PHF24: variants seen among roughly 807,000 people sequenced by gnomAD.
PHF24 encodes the protein PHD finger protein 24, also known as Galpha inhibitory interacting protein.
In PHF24, 25 loss-of-function variants were observed where a neutral mutation model predicts 42.6. The observed-to-expected ratio is 0.59, with a 90% CI of 0.43 to 0.82. The LOEUF (loss-of-function observed/expected upper bound fraction) is 0.82. PHF24 is among the 40% of genes least tolerant of loss of function. PHF24 has a pLI of 0.00. For missense variants in PHF24, 470 were observed against 538.1 expected (o/e 0.87, Z 1.25); for synonymous variants, 185 against 204.8 (o/e 0.90, Z 0.83).
chr9:34,966,457 C>A (rs1826771875), intron 1 of PHF24, among the ~76,000 whole-genome samples: 2 of 152,104 alleles, frequency 1.3e-5, no homozygotes, highest in South Asian at 4.2e-4. Flanking sequence ...ACCTGTAGCC[C>A]CAGCTATGTG....
At chr9:34,682,155 T>TTG in the PHF24 span, among the ~76,000 whole-genome samples, 1 of 146,280 alleles carries the variant, frequency 6.8e-6, no homozygotes, top group African/African-American at 2.5e-5. Context: ...TTTCTATTTT[T>TTG]TTTTTTTTTT....
At chr9:34,803,789 G>A in the PHF24 span, among the ~76,000 whole-genome samples, 3 of 152,118 alleles carry the variant, frequency 2.0e-5, no homozygotes, top group Non-Finnish European at 4.4e-5. Flanking sequence ...TTAAAACAAG[G>A]CATACATTTT....
chr9:34,834,702 G>T, the PHF24 span: 1 of 1,545,268 alleles, frequency 6.5e-7, no homozygotes, highest in African/African-American at 1.4e-5. Flanking sequence ...CAGCCCCACT[G>T]AAGCTGGAGT....
chr9:34,887,514 T>C, the PHF24 span, among the ~76,000 whole-genome samples: 2 of 152,190 alleles, frequency 1.3e-5, no homozygotes, highest in African/African-American at 2.4e-5. Flanking sequence ...CCTTGTTCCT[T>C]CTGACAGGCT....
chr9:34,735,281 G>A, the PHF24 span, among the ~76,000 whole-genome samples: 1,854 of 149,924 alleles, frequency 0.012, 29 homozygotes, highest in African/African-American at 0.042. Flanking sequence ...GATTACAGGC[G>A]CCCGCCACTA....
chr9:34,798,606 A>G, the PHF24 span, among the ~76,000 whole-genome samples: 1 of 151,890 alleles, frequency 6.6e-6, no homozygotes. Flanking sequence ...TTATTTATCC[A>G]CTCCACCAGT....
chr9:34,847,413 G>T, the PHF24 span, among the ~76,000 whole-genome samples: 1 of 152,100 alleles, frequency 6.6e-6, no homozygotes, highest in Non-Finnish European at 1.5e-5. Flanking sequence ...TCTGTTATTG[G>T]TGTATAAGAA....
chr9:34,862,770 A>C, the PHF24 span, among the ~76,000 whole-genome samples: 1 of 151,296 alleles, frequency 6.6e-6, no homozygotes, highest in African/African-American at 2.4e-5. Context: ...TAGAGGAAAA[A>C]GTAAAGGGGA....
chr9:34,966,985 T>G (rs1826796263), intron 1 of PHF24, among the ~76,000 whole-genome samples: 1 of 152,180 alleles, frequency 6.6e-6, no homozygotes, highest in Non-Finnish European at 1.5e-5. Flanking sequence ...CAAGCAGTTC[T>G]CCCACCTCAG....
chr9:34,728,231 G>T, the PHF24 span: 1 of 663,724 alleles, frequency 1.5e-6, no homozygotes. Context: ...GTACAGCATC[G>T]CTGTAACACA....
At chr9:34,905,146 A>G in the PHF24 span, among the ~76,000 whole-genome samples, 1 of 152,194 alleles carries the variant, frequency 6.6e-6, no homozygotes, top group Non-Finnish European at 1.5e-5. Flanking sequence ...GAGAACCTTG[A>G]CAAAATGGAG....
the PHF24 span, among the ~76,000 whole-genome samples, chr9:34,825,886 T>C: frequency 2.0e-5 from 3 of 152,126 alleles, no homozygotes; most frequent in African/African-American, 7.2e-5. Flanking sequence ...AGGGCTTCCC[T>C]TCCCACCGTC....
the PHF24 span, among the ~76,000 whole-genome samples, chr9:34,705,915 A>T: frequency 1.3e-5 from 2 of 152,220 alleles, no homozygotes; most frequent in Non-Finnish European, 2.9e-5. Flanking sequence ...TTTTAAAAAA[A>T]AGTTATTTTA....
At chr9:34,708,257 T>G in the PHF24 span, among the ~76,000 whole-genome samples, 1 of 152,090 alleles carries the variant, frequency 6.6e-6, no homozygotes. Flanking sequence ...CCCAGGAGAC[T>G]TATTCCTTGA....
At chr9:34,940,041 A>G in the PHF24 span, among the ~76,000 whole-genome samples, 1 of 152,206 alleles carries the variant, frequency 6.6e-6, no homozygotes. Flanking sequence ...GCAGCCAGAA[A>G]GAGCAGACAG....
the PHF24 span, among the ~76,000 whole-genome samples, chr9:34,937,454 G>C: frequency 6.6e-6 from 1 of 152,196 alleles, no homozygotes; most frequent in Middle Eastern, 3.4e-3. Flanking sequence ...AAGGCAGCAG[G>C]CTCGTTAAGA....
chr9:34,971,606 C>T (rs781633965), exon 2 of PHF24: 27 of 1,614,036 alleles, frequency 1.7e-5, no homozygotes, highest in East Asian at 2.2e-5. Context: ...ACACCCCCTG[C>T]GTTCATCCGC....
chr9:34,844,838 T>C, the PHF24 span, among the ~76,000 whole-genome samples: 1 of 152,210 alleles, frequency 6.6e-6, no homozygotes, highest in Non-Finnish European at 1.5e-5. Flanking sequence ...GTTAGGTCCA[T>C]TTGGTCCAAA....
the PHF24 span, chr9:34,724,899 G>A: frequency 6.5e-7 from 1 of 1,549,986 alleles, no homozygotes; most frequent in Non-Finnish European, 8.7e-7. Flanking sequence ...AAGGCCAGAT[G>A]CTTGTGCCGT....
Sources: allele counts gnomAD v4.1 joint callset (sites outside exome capture counted in the v4.1 genomes callset), GRCh38; gene constraint gnomAD v4.1.1; transcripts MANE v1.5; gene names NCBI Gene and HGNC (gene_info 2026-07-23, HGNC 2026-07-21).